OPCML: variants seen among roughly 807,000 people sequenced by gnomAD.
The protein encoded by OPCML is opioid-binding protein/cell adhesion molecule.
OPCML carries 13 observed loss-of-function variants against 37.8 expected under a neutral mutation model. That is an observed-to-expected ratio of 0.34 (90% CI 0.22 to 0.55). The LOEUF is 0.55. Among genes scored for constraint, OPCML ranks in the 20% least tolerant of loss-of-function variants. The pLI, the probability that OPCML is intolerant of heterozygous loss-of-function variation, is 0.91. For missense variants in OPCML, 341 were observed against 435.6 expected (o/e 0.78, Z 1.93); for synonymous variants, 176 against 168.8 (o/e 1.04, Z -0.33).
At chr11:133,394,214 T>A (rs1437889619) in intron 1 of OPCML, among the ~76,000 whole-genome samples, 1 of 152,212 alleles carries the variant, frequency 6.6e-6, no homozygotes, top group Admixed American at 6.5e-5. Flanking sequence ...AGTTGCCAAA[T>A]TATGTTAACA....
At chr11:133,131,229 C>A (rs1284174761) in intron 1 of OPCML, among the ~76,000 whole-genome samples, 1 of 152,092 alleles carries the variant, frequency 6.6e-6, no homozygotes. Flanking sequence ...AAATAAATGT[C>A]TATTTCCTAC....
chr11:133,089,743 A>AG (rs764887293), intron 1 of OPCML, among the ~76,000 whole-genome samples: 6 of 151,422 alleles, frequency 4.0e-5, no homozygotes, highest in Non-Finnish European at 8.8e-5. Flanking sequence ...TTTGTTGAGA[A>AG]GGGGGGACTT....
chr11:132,908,464 T>C (rs1258468293), intron 2 of OPCML, among the ~76,000 whole-genome samples: 1 of 152,198 alleles, frequency 6.6e-6, no homozygotes, highest in African/African-American at 2.4e-5. Context: ...AAACCTAGTG[T>C]ATATGAATTC....
intron 1 of OPCML, chr11:133,421,172 T>C: frequency 2.0e-6 from 2 of 985,404 alleles, no homozygotes; most frequent in African/African-American, 3.5e-5. Context: ...TAGTAAACTG[T>C]ATAATGATAG....
intron 1 of OPCML, among the ~76,000 whole-genome samples, chr11:133,229,049 C>T (rs144691130): frequency 1.5e-4 from 23 of 152,284 alleles, no homozygotes; most frequent in African/African-American, 5.3e-4. Flanking sequence ...GAAGAGGCTT[C>T]ATATTCATCT....
At chr11:133,526,592 C>T (rs1231951480) in intron 1 of OPCML, among the ~76,000 whole-genome samples, 57 of 152,164 alleles carry the variant, frequency 3.7e-4, no homozygotes, top group Admixed American at 3.7e-3. Flanking sequence ...TCAGGGCTAC[C>T]TTTAATCCTT....
At chr11:132,648,449 G>C (rs537714809) in intron 3 of OPCML, among the ~76,000 whole-genome samples, 13 of 151,712 alleles carry the variant, frequency 8.6e-5, no homozygotes, top group Admixed American at 5.2e-4. Context: ...CAGGCATTAC[G>C]ACTGTTCCGT....
intron 1 of OPCML, among the ~76,000 whole-genome samples, chr11:132,989,114 A>C (rs1364518864): frequency 6.6e-6 from 1 of 152,210 alleles, no homozygotes; most frequent in Admixed American, 6.5e-5. Flanking sequence ...TCTGGTAGGC[A>C]GTTTGGCAAC....
At chr11:132,744,269 G>A (rs774119828) in intron 2 of OPCML, among the ~76,000 whole-genome samples, 7 of 152,070 alleles carry the variant, frequency 4.6e-5, no homozygotes, top group African/African-American at 1.2e-4. Context: ...TTATGCACTC[G>A]CTTGTCCATA....
intron 1 of OPCML, among the ~76,000 whole-genome samples, chr11:133,135,027 T>G (rs1949665365): frequency 6.6e-6 from 1 of 152,218 alleles, no homozygotes; most frequent in Admixed American, 6.5e-5. Flanking sequence ...CATATTCATT[T>G]TAGAATCAAG....
rs2095968748 is a variant in OPCML, at chr11:132,423,928, T to C, written c.917-3635A>G. ...TTGCATACATGGCTTCAGAGTCAGA[T>C]TGAGTACAGTTTTCTTAGAGCATGG... On this transcript the variant is annotated intron_variant, in intron 7 of 7. Coordinates refer to ENST00000524381, the MANE Select transcript of OPCML (RefSeq NM_001012393.5). Among the ~76,000 whole-genome samples the C allele has an allele frequency of 5.3e-5, 8 of 152,274 alleles. No homozygotes were observed. In the South Asian group the frequency reaches 1.7e-3, roughly 32 times the overall value.
At chr11:133,121,668 T>A (rs867588719) in intron 1 of OPCML, among the ~76,000 whole-genome samples, 4 of 152,336 alleles carry the variant, frequency 2.6e-5, no homozygotes, top group Middle Eastern at 3.4e-3. Context: ...TGTATCTAAT[T>A]AGATTACATT....
In OPCML at chr11:132,721,929, A is replaced by C. The variant is rs532990820; in HGVS notation, c.147-64610T>G. On this transcript the variant is annotated intron_variant, in intron 2 of 7. Coordinates refer to ENST00000524381, the MANE Select transcript of OPCML (RefSeq NM_001012393.5). ...CTGTTTATGTGCTGAAACAAAGGGAATGTATTTTTTCTTTCCTTCCCTTTT... is the reference window on the plus strand; with the variant it reads ...CTGTTTATGTGCTGAAACAAAGGGACTGTATTTTTTCTTTCCTTCCCTTTT... Among the ~76,000 whole-genome samples, 14 of 146,286 alleles carry C rather than the reference A, an allele frequency of 9.6e-5. No homozygotes were observed. The South Asian group carries it at 2.0e-3, about 21-fold the overall frequency.
At chr11:132,697,977 TA>T (rs1470981737) in intron 2 of OPCML, among the ~76,000 whole-genome samples, 2 of 2,332 alleles carry the variant, frequency 8.6e-4, no homozygotes, top group Admixed American at 9.1e-3. Flanking sequence ...TTTTATTTTC[TA>T]TTTATTTATT....
chr11:133,089,178 G>A (rs1189201478), intron 1 of OPCML, among the ~76,000 whole-genome samples: 1 of 152,142 alleles, frequency 6.6e-6, no homozygotes, highest in African/African-American at 2.4e-5. Flanking sequence ...AGAACCAATT[G>A]CCTGTTCAGA....
chr11:133,021,098 G>T (rs1377312765), intron 1 of OPCML, among the ~76,000 whole-genome samples: 2 of 152,114 alleles, frequency 1.3e-5, no homozygotes, highest in African/African-American at 4.8e-5. Flanking sequence ...CCATTCAGGA[G>T]ACATTTATCA....
At chr11:133,326,199 G>T (rs1943442973) in intron 1 of OPCML, among the ~76,000 whole-genome samples, 1 of 151,692 alleles carries the variant, frequency 6.6e-6, no homozygotes, top group Non-Finnish European at 1.5e-5. Flanking sequence ...ACCCGATTTT[G>T]CCTCTCCTTT....
intron 1 of OPCML, among the ~76,000 whole-genome samples, chr11:133,270,841 T>A (rs1453502500): frequency 6.6e-6 from 1 of 152,208 alleles, no homozygotes; most frequent in East Asian, 1.9e-4. Flanking sequence ...TGCTTCCACC[T>A]GATATAGTCT....
At chr11:133,242,628 T>C (rs943358604) in intron 1 of OPCML, among the ~76,000 whole-genome samples, 6 of 152,188 alleles carry the variant, frequency 3.9e-5, no homozygotes, top group Admixed American at 2.0e-4. Flanking sequence ...GTTATGATCA[T>C]ATTTAATTGT....
Sources: gnomAD v4.1 joint callset for allele counts (sites outside exome capture counted in the v4.1 genomes callset) on GRCh38, gnomAD v4.1.1 for gene constraint, MANE v1.5 for transcripts, NCBI Gene and HGNC (gene_info 2026-07-23, HGNC 2026-07-21) for gene names.